RBFOX1: variants seen among roughly 807,000 people sequenced by gnomAD.
The protein encoded by RBFOX1 is RNA binding protein fox-1 homolog 1.
In RBFOX1, 8 loss-of-function variants were observed where a neutral mutation model predicts 57.7. The ratio of observed to expected loss-of-function variants is 0.14; its 90% CI spans 0.08 to 0.25. The LOEUF (loss-of-function observed/expected upper bound fraction) is 0.25, where lower values mean the gene tolerates loss of function less well. Ranked by LOEUF, RBFOX1 falls within the 10% of genes least tolerant of loss-of-function variation. The probability of loss-of-function intolerance (pLI) is 1.00; values close to 1 mark genes in which losing one functional copy is unlikely to be tolerated. For missense variants in RBFOX1, 611 were observed against 548.5 expected (o/e 1.11, Z -1.14); for synonymous variants, 326 against 222.4 (o/e 1.47, Z -4.15).
intron 2 of RBFOX1, among the ~76,000 whole-genome samples, chr16:5,525,757 C>G (rs998738540): frequency 2.0e-5 from 3 of 152,094 alleles, no homozygotes; most frequent in African/African-American, 7.2e-5. Context: ...CTTGGCCTCC[C>G]AAAGTGCTGG....
intron 2 of RBFOX1, among the ~76,000 whole-genome samples, chr16:6,438,326 A>G (rs1344164867): frequency 6.6e-6 from 1 of 152,184 alleles, no homozygotes; most frequent in African/African-American, 2.4e-5. Context: ...AAAGATGAGG[A>G]GAGTGAGGCT....
intron 3 of RBFOX1, among the ~76,000 whole-genome samples, chr16:5,859,451 C>G (rs1386620943): frequency 6.6e-6 from 1 of 152,190 alleles, no homozygotes; most frequent in Non-Finnish European, 1.5e-5. Context: ...AACTGAGCCT[C>G]AGACAGGTAA....
intron 2 of RBFOX1, among the ~76,000 whole-genome samples, chr16:6,635,232 T>C (rs1015303074): frequency 8.6e-5 from 13 of 150,762 alleles, no homozygotes; most frequent in African/African-American, 3.2e-4. Context: ...TATAATACTT[T>C]CAATTTATAT....
chr16:6,753,917 T>C (rs1362441430), intron 3 of RBFOX1, among the ~76,000 whole-genome samples: 3 of 152,168 alleles, frequency 2.0e-5, no homozygotes, highest in Admixed American at 2.0e-4. Context: ...AGCTGTTTAC[T>C]GGGTTTGAAT....
chr16:7,265,013 C>G (rs946076590), intron 4 of RBFOX1, among the ~76,000 whole-genome samples: 3 of 152,216 alleles, frequency 2.0e-5, no homozygotes, highest in African/African-American at 7.2e-5. Context: ...AAACCATAGG[C>G]TCTGGACTTC....
chr16:6,802,004 G>T (rs1351814531), intron 3 of RBFOX1, among the ~76,000 whole-genome samples: 2 of 152,068 alleles, frequency 1.3e-5, no homozygotes, highest in African/African-American at 4.8e-5. Context: ...AATCATGGAG[G>T]TTGGGGGAGT....
chr16:6,138,899 A>G (rs368010473), intron 1 of RBFOX1, among the ~76,000 whole-genome samples: 10 of 152,060 alleles, frequency 6.6e-5, no homozygotes, highest in East Asian at 1.9e-4. Context: ...GCAGCATCCA[A>G]TCACCTTCGC....
intron 3 of RBFOX1, among the ~76,000 whole-genome samples, chr16:5,854,568 A>T (rs2056977658): frequency 7.4e-6 from 1 of 134,482 alleles, no homozygotes. Context: ...CCCCCCCCAC[A>T]CACAAGCACA....
intron 3 of RBFOX1, among the ~76,000 whole-genome samples, chr16:6,954,548 C>T (rs1426133766): frequency 1.3e-5 from 2 of 152,116 alleles, no homozygotes; most frequent in East Asian, 1.9e-4. Context: ...CAACTGTCCT[C>T]ACCTGTTGTC....
rs141475568 is a variant in RBFOX1 at position 6,156,223 on chromosome 16, G to A, written c.-127+136231G>A. 2.0e-3 allele frequency among the ~76,000 whole-genome samples: 312 copies of A among 152,230 alleles called. 1 individual carries two copies. Among genetic ancestry groups the A allele is most frequent in the Non-Finnish European group, 3.6e-3 (246 of 68,020 alleles). The stretch of plus-strand genomic sequence containing the variant: ...GACCTCTTAGCACACATGAACTAAT[G>A]CAGGAATGTGCAGACACTGTCCGTC... On this transcript the variant is annotated intron_variant, in intron 1 of 15. Transcript: ENST00000550418.
At chr16:6,144,237 C>G (rs1473756445) in intron 1 of RBFOX1, among the ~76,000 whole-genome samples, 1 of 152,064 alleles carries the variant, frequency 6.6e-6, no homozygotes, top group African/African-American at 2.4e-5. Context: ...AAATTATTCT[C>G]TTTTTAATTT....
chr16:5,789,685 G>T (rs144452124), intron 3 of RBFOX1, among the ~76,000 whole-genome samples: 1 of 151,990 alleles, frequency 6.6e-6, no homozygotes, highest in African/African-American at 2.4e-5. Flanking sequence ...AGTTAGTATC[G>T]CACTTCTCTT....
intron 2 of RBFOX1, among the ~76,000 whole-genome samples, chr16:6,532,700 C>G (rs2096675886): frequency 6.6e-6 from 1 of 152,182 alleles, no homozygotes; most frequent in African/African-American, 2.4e-5. Context: ...GATTCCTCTC[C>G]TGGACAGTTG....
chr16:7,388,202 T>A (rs1410857277), intron 4 of RBFOX1, among the ~76,000 whole-genome samples: 3 of 152,152 alleles, frequency 2.0e-5, no homozygotes, highest in African/African-American at 7.2e-5. Context: ...CTTTCCTTCT[T>A]GGCAGAGTTC....
intron 1 of RBFOX1, among the ~76,000 whole-genome samples, chr16:5,400,554 C>T (rs2066686797): frequency 6.6e-6 from 1 of 152,076 alleles, no homozygotes; most frequent in Non-Finnish European, 1.5e-5. Flanking sequence ...ATCTCTTGAA[C>T]ATATTCCCTT....
chr16:6,804,569 G>T (rs1025450563), intron 3 of RBFOX1, among the ~76,000 whole-genome samples: 2 of 152,148 alleles, frequency 1.3e-5, no homozygotes, highest in African/African-American at 4.8e-5. Flanking sequence ...TGTGGCTACT[G>T]TGGAAGCTAG....
intron 3 of RBFOX1, among the ~76,000 whole-genome samples, chr16:7,025,619 G>A (rs991566258): frequency 6.6e-6 from 1 of 152,098 alleles, no homozygotes; most frequent in Non-Finnish European, 1.5e-5. Context: ...GGAGACCTGG[G>A]CATGTCCTGG....
At chr16:5,758,296 G>T (rs1208751761) in intron 3 of RBFOX1, among the ~76,000 whole-genome samples, 1 of 152,162 alleles carries the variant, frequency 6.6e-6, no homozygotes, top group East Asian at 1.9e-4. Flanking sequence ...TTGAAATAAT[G>T]TTGCCATAGT....
intron 3 of RBFOX1, among the ~76,000 whole-genome samples, chr16:6,671,435 A>T (rs2098764322): frequency 1.3e-5 from 2 of 152,240 alleles, no homozygotes; most frequent in South Asian, 4.1e-4. Context: ...ATATTCAAAC[A>T]TCATTTTATT....
Sources: allele counts gnomAD v4.1 joint callset (sites outside exome capture counted in the v4.1 genomes callset), GRCh38; gene constraint gnomAD v4.1.1; transcripts MANE v1.5; gene names NCBI Gene and HGNC (gene_info 2026-07-23, HGNC 2026-07-21).